The following RHBDD1 variants were observed in gnomAD, a reference collection of about 807,000 sequenced individuals.
The protein encoded by RHBDD1 is rhomboid domain containing 1.
Under a neutral mutation model 36.3 loss-of-function variants are expected in RHBDD1, and 38 were observed. That is an observed-to-expected ratio of 1.05 (90% CI 0.81 to 1.37). RHBDD1 has a LOEUF of 1.37. Ranked by LOEUF, RHBDD1 falls within the 40% of genes most tolerant of loss-of-function variation. The probability of loss-of-function intolerance (pLI) is 0.00; values close to 1 mark genes in which losing one functional copy is unlikely to be tolerated. For missense variants in RHBDD1, 393 were observed against 377.6 expected (o/e 1.04, Z -0.34); for synonymous variants, 151 against 136.5 (o/e 1.11, Z -0.74).
the RHBDD1 span, among the ~76,000 whole-genome samples, chr2:226,821,286 C>G: frequency 2.6e-5 from 4 of 152,242 alleles, no homozygotes; most frequent in Admixed American, 2.6e-4. Flanking sequence ...CAAGCTACTT[C>G]TAAATGCAAT....
the RHBDD1 span, among the ~76,000 whole-genome samples, chr2:226,811,852 G>C: frequency 6.6e-6 from 1 of 152,226 alleles, no homozygotes; most frequent in Non-Finnish European, 1.5e-5. Context: ...TTTATGTAAA[G>C]TTTTACAGTT....
chr2:226,874,565 A>G (rs1171737828), intron 5 of RHBDD1, among the ~76,000 whole-genome samples: 1 of 151,990 alleles, frequency 6.6e-6, no homozygotes, highest in Non-Finnish European at 1.5e-5. Context: ...GCATCACTCC[A>G]TCTCTGTGTC....
At chr2:226,907,014 A>G in intron 6 of RHBDD1, 133 bp downstream of exon 6, 2 of 919,166 alleles carry the variant, frequency 2.2e-6, no homozygotes, top group African/African-American at 1.6e-5. Context: ...TTCTTTTTAA[A>G]CCGAAAGGTA....
At chr2:226,922,202 CTTTTTTTTTTTT>C (rs1017204610) in intron 8 of RHBDD1, among the ~76,000 whole-genome samples, 2 of 105,038 alleles carry the variant, frequency 1.9e-5, no homozygotes, top group Non-Finnish European at 3.7e-5. Flanking sequence ...TATCTTTTTC[CTTTTTTTTTTTT>C]TTTTTTTTTT....
chr2:226,883,866 G>A (rs186594552), intron 5 of RHBDD1, among the ~76,000 whole-genome samples: 2 of 152,244 alleles, frequency 1.3e-5, no homozygotes, highest in Admixed American at 1.3e-4. Context: ...CAGGAAAAGG[G>A]TGTTTTTAAT....
intron 8 of RHBDD1, among the ~76,000 whole-genome samples, chr2:226,920,772 A>G (rs998742415): frequency 9.2e-5 from 14 of 151,814 alleles, no homozygotes; most frequent in African/African-American, 3.4e-4. Flanking sequence ...GTTGAATTCA[A>G]TTTGCTATTA....
chr2:226,995,559 T>C lies in RHBDD1; in HGVS notation c.*37T>C. 2 of 1,383,508 alleles carry C rather than the reference T, an allele frequency of 1.4e-6. No homozygotes were observed. Among genetic ancestry groups the C allele is most frequent in the Non-Finnish European group, 2.0e-6 (2 of 979,548 alleles). 85.7% of individuals were successfully genotyped at this position (1,383,508 alleles called of 1,614,324 possible). On this transcript the variant is annotated 3_prime_UTR_variant, in exon 9 of 9. Coordinates refer to ENST00000392062, the MANE Select transcript of RHBDD1 (RefSeq NM_001167608.3). ...GGGAAGACATGGCCTATTCGTGTAA[T>C]TATTGCCCATTTGGCTCATTCCCCA... is the stretch of plus-strand genomic sequence containing the variant.
At chr2:226,989,841 C>T (rs1957782711) in intron 8 of RHBDD1, among the ~76,000 whole-genome samples, 1 of 152,296 alleles carries the variant, frequency 6.6e-6, no homozygotes, top group Middle Eastern at 3.4e-3. Flanking sequence ...GAGTTGATCT[C>T]TATTTCACAA....
the RHBDD1 span, among the ~76,000 whole-genome samples, chr2:226,827,401 G>A: frequency 6.3e-4 from 96 of 152,270 alleles, no homozygotes; most frequent in African/African-American, 2.2e-3. Flanking sequence ...CACACACCAA[G>A]AATATTGCAC....
the RHBDD1 span, among the ~76,000 whole-genome samples, chr2:226,823,238 A>G: frequency 1.3e-5 from 2 of 152,172 alleles, no homozygotes; most frequent in African/African-American, 4.8e-5. Flanking sequence ...CAGATACCAA[A>G]TCTGTCAGTC....
At chr2:226,811,421 C>G in the RHBDD1 span, among the ~76,000 whole-genome samples, 1 of 152,196 alleles carries the variant, frequency 6.6e-6, no homozygotes, top group East Asian at 1.9e-4. Flanking sequence ...AGCGCCTCAG[C>G]CTCCTGAGTA....
chr2:226,887,569 A>G (rs1370204345), intron 5 of RHBDD1, among the ~76,000 whole-genome samples: 1 of 152,242 alleles, frequency 6.6e-6, no homozygotes, highest in Non-Finnish European at 1.5e-5. Context: ...CAGTTTTGTG[A>G]AGTGTGATGC....
chr2:226,846,867 A>G lies in RHBDD1; in HGVS notation c.-91+7240A>G, dbSNP rs968542566. Among the ~76,000 whole-genome samples, 3 of 152,272 alleles carry G rather than the reference A, an allele frequency of 2.0e-5. No individual in the cohort carries two copies. The South Asian group carries it at 6.2e-4, about 32-fold the overall frequency. On this transcript the variant is annotated intron_variant, in intron 3 of 8. Coordinates refer to ENST00000392062, the MANE Select transcript of RHBDD1 (RefSeq NM_001167608.3). ...TGGTTAAAAAATATGTAAGTACTAT[A>G]TATGTAAGTAAATGTGGCATTTTAC...
chr2:226,998,080 C>G lies in RHBDD1; in HGVS notation c.*2558C>G, dbSNP rs1386930927. 1 of 152,196 alleles carries G rather than the reference C, an allele frequency of 6.6e-6. No individual in the cohort carries two copies. Among genetic ancestry groups the G allele is most frequent in the African/African-American group, 2.4e-5 (1 of 41,444 alleles). The allele number at this position is 152,196 out of a possible 1,614,324, so 9.4% of individuals were successfully genotyped here. On this transcript the variant is annotated 3_prime_UTR_variant, in exon 9 of 9. Transcript: ENST00000392062. ...TATTTATTAGTAGCTCCCTGATTGT[C>G]TGTTAAGCCCCTGGTTCCCACAGTT...
chr2:226,879,532 A>G (rs1945528430), intron 5 of RHBDD1, among the ~76,000 whole-genome samples: 1 of 152,228 alleles, frequency 6.6e-6, no homozygotes, highest in Admixed American at 6.5e-5. Context: ...ACAGTTGTTC[A>G]GTTATAAACA....
intron 8 of RHBDD1, among the ~76,000 whole-genome samples, chr2:226,957,115 G>GT (rs1189525485): frequency 6.6e-6 from 1 of 152,226 alleles, no homozygotes; most frequent in African/African-American, 2.4e-5. Context: ...GGGCAGAAAG[G>GT]TAGGATGAAA....
At chr2:226,886,243 A>G (rs1012723972) in intron 5 of RHBDD1, among the ~76,000 whole-genome samples, 2 of 152,204 alleles carry the variant, frequency 1.3e-5, no homozygotes, top group Admixed American at 1.3e-4. Flanking sequence ...TGACTCAAAC[A>G]GTGCTTGGTA....
chr2:226,953,326 G>A (rs1951561707), intron 8 of RHBDD1, among the ~76,000 whole-genome samples: 1 of 152,194 alleles, frequency 6.6e-6, no homozygotes. Context: ...GGAGAGCTCA[G>A]CTGACACTTT....
intron 8 of RHBDD1, among the ~76,000 whole-genome samples, chr2:226,972,900 A>G (rs1006831024): frequency 6.6e-6 from 1 of 151,014 alleles, no homozygotes; most frequent in Non-Finnish European, 1.5e-5. Flanking sequence ...TTTATCAACT[A>G]AAGTTAAAGA....
Sources: gnomAD v4.1 joint callset for allele counts (sites outside exome capture counted in the v4.1 genomes callset) on GRCh38, gnomAD v4.1.1 for gene constraint, MANE v1.5 for transcripts, NCBI Gene and HGNC (gene_info 2026-07-23, HGNC 2026-07-21) for gene names.